The following EPS8 variants were observed in gnomAD, a reference collection of about 807,000 sequenced individuals.
EPS8 encodes EGFR pathway substrate 8, signaling adaptor.
EPS8 carries 42 observed loss-of-function variants against 103.8 expected under a neutral mutation model. The observed-to-expected ratio is 0.40, with a 90% confidence interval of 0.32 to 0.52. The LOEUF is 0.52. Among genes scored for constraint, EPS8 ranks in the 20% least tolerant of loss-of-function variants. The pLI is 0.40. For missense variants in EPS8, 969 were observed against 1,005.1 expected (o/e 0.96, Z 0.49); for synonymous variants, 344 against 344.6 (o/e 1.00, Z 0.02).
At chr12:15,674,950 A>T (rs1213143491) in intron 3 of EPS8, among the ~76,000 whole-genome samples, 2 of 152,262 alleles carry the variant, frequency 1.3e-5, no homozygotes, top group Admixed American at 1.3e-4. Context: ...TACTACTTGA[A>T]TGTGTAAAAA....
chr12:15,719,038 A>C (rs1946564281), intron 1 of EPS8, among the ~76,000 whole-genome samples: 1 of 152,118 alleles, frequency 6.6e-6, no homozygotes, highest in South Asian at 2.1e-4. Flanking sequence ...GCGAGGAAGG[A>C]AGGAAGAGAA....
Position 15,757,631 on chromosome 12 carries a change from GA to G in EPS8, c.-22+31529del, listed in dbSNP as rs1027695409. ...GCAACAGAGCGAGACTCCGTCTGAA[GA>G]AAAAAAAAAGAAAAAGAAAAAGAAA... On this transcript the variant is annotated intron_variant, in intron 1 of 20. Transcript: ENST00000281172. This position sits in a 1 kb window ranked among gnomAD's most constrained non-coding sequence, Gnocchi z 4.1. 3.5e-5 allele frequency among the ~76,000 whole-genome samples: 5 copies of G among 144,318 alleles called. No homozygotes were observed. The highest frequency in any genetic ancestry group is 2.0e-4 in the East Asian group (1 of 4,968). The allele number at this position is 144,318 out of a possible 152,430, so 94.7% of individuals were successfully genotyped here. A position where few individuals can be genotyped will look rare whatever the true frequency, so the allele number is the denominator to read the frequency against.
intron 17 of EPS8, among the ~76,000 whole-genome samples, chr12:15,633,467 A>G (rs992880166): frequency 2.6e-5 from 4 of 152,194 alleles, no homozygotes; most frequent in Admixed American, 2.6e-4. Context: ...CCTGCTTTCC[A>G]TATGATTCAT....
chr12:15,663,627 A>T (rs1945645888), intron 8 of EPS8, among the ~76,000 whole-genome samples: 1 of 151,982 alleles, frequency 6.6e-6, no homozygotes, highest in Non-Finnish European at 1.5e-5. Flanking sequence ...TCTTTGTTAT[A>T]AATTATATTA....
intron 1 of EPS8, among the ~76,000 whole-genome samples, chr12:15,741,699 T>C (rs570372404): frequency 2.2e-4 from 33 of 152,130 alleles, no homozygotes; most frequent in Non-Finnish European, 4.0e-4. Context: ...CTTTGCAACA[T>C]CACATCCAGA....
intron 16 of EPS8, among the ~76,000 whole-genome samples, 161 bp downstream of exon 16, chr12:15,641,561 G>C (rs1945230404): frequency 6.6e-6 from 1 of 151,890 alleles, no homozygotes; most frequent in Non-Finnish European, 1.5e-5. Flanking sequence ...TATCCCCTTA[G>C]AAGGAGTATC....
chr12:15,634,843 C>A, intron 17 of EPS8: 2 of 397,714 alleles, frequency 5.0e-6, no homozygotes, highest in South Asian at 2.6e-4. Context: ...AATTATAATT[C>A]ACATCAAATA....
intron 3 of EPS8, among the ~76,000 whole-genome samples, chr12:15,674,507 C>G (rs1014877250): frequency 6.6e-6 from 1 of 152,176 alleles, no homozygotes; most frequent in African/African-American, 2.4e-5. Context: ...GTGATAATTA[C>G]AAGCTCTCAA....
At chr12:15,683,068 G>T in intron 1 of EPS8, 96 bp from the exon 2 acceptor site, 1 of 590,682 alleles carries the variant, frequency 1.7e-6, no homozygotes, top group East Asian at 3.1e-5. Flanking sequence ...GTTGCTGCCA[G>T]GAATTATAGT....
At position 15,670,885 on chromosome 12, in the gene EPS8, C is replaced by T. The variant is rs749427533; in HGVS notation, c.175G>A (p.Val59Met). The T allele has an allele frequency of 3.1e-6, 5 of 1,612,422 alleles. No homozygotes were observed. Among genetic ancestry groups the T allele is most frequent in the Middle Eastern group, 1.7e-4 (1 of 6,058 alleles). The change falls in exon 4 of 21, where the codon GTG becomes ATG. Residue 59 changes from valine to methionine, a missense_variant. By Grantham distance (21) the Val-to-Met change is conservative. Transcript: ENST00000281172. Reference sequence around the variant, plus strand: ...ACACGGTATTGAGATATATCTGACACACTGCTGACACTGTCCCGTGCATAA... The same window carrying T: ...ACACGGTATTGAGATATATCTGACATACTGCTGACACTGTCCCGTGCATAA... ...KNYARDSVSS[V>M]SDISQYRVEH... is the part of the protein sequence containing the mutation.
chr12:15,694,229 C>T (rs1946213237), intron 1 of EPS8, among the ~76,000 whole-genome samples: 1 of 151,610 alleles, frequency 6.6e-6, no homozygotes, highest in South Asian at 2.1e-4. Flanking sequence ...AATATGAGTA[C>T]AAGTTTATAC....
At chr12:15,743,896 C>A (rs1387806426) in intron 1 of EPS8, among the ~76,000 whole-genome samples, 1 of 152,116 alleles carries the variant, frequency 6.6e-6, no homozygotes, top group Non-Finnish European at 1.5e-5. Context: ...GCAACAAAAG[C>A]CAAAATTGAC....
intron 1 of EPS8, among the ~76,000 whole-genome samples, chr12:15,703,760 G>A (rs965063720): frequency 1.3e-5 from 2 of 149,328 alleles, no homozygotes; most frequent in Non-Finnish European, 3.0e-5. Context: ...ACACTTTCAG[G>A]AAGCAAAGTT....
At chr12:15,668,259 T>C (rs1945751830) in intron 6 of EPS8, among the ~76,000 whole-genome samples, 1 of 152,166 alleles carries the variant, frequency 6.6e-6, no homozygotes, top group South Asian at 2.1e-4. Context: ...ATGACGTAAA[T>C]TGAAATTAGA....
In EPS8 at chr12:15,651,007, C is replaced by A; in HGVS notation, c.1251-1G>T. On this transcript the variant is annotated splice_acceptor_variant, in intron 13 of 20. Transcript: ENST00000281172. LOFTEE classifies it high-confidence loss of function. Reference sequence around the variant, plus strand: ...AAACTGTTCTTTTGGCCACTCTGCTCTGCAGGAGGGAATGAAGGCATATAA... The same window carrying A: ...AAACTGTTCTTTTGGCCACTCTGCTATGCAGGAGGGAATGAAGGCATATAA... 1 of 1,611,426 alleles carries A rather than the reference C, an allele frequency of 6.2e-7. No individual in the cohort carries two copies. Among genetic ancestry groups the A allele is most frequent in the South Asian group, 1.1e-5 (1 of 90,386 alleles).
chr12:15,699,669 C>T (rs1391798321), intron 1 of EPS8, among the ~76,000 whole-genome samples: 1 of 152,162 alleles, frequency 6.6e-6, no homozygotes, highest in African/African-American at 2.4e-5. Flanking sequence ...ATAATTTTGG[C>T]TTACATAATT....
rs1946491306 is a variant in EPS8, at chr12:15,713,267, G to A, written c.-21-30295C>T. On this transcript the variant is annotated intron_variant, in intron 1 of 20. Transcript: ENST00000281172. This position sits in a 1 kb window ranked among gnomAD's most constrained non-coding sequence, Gnocchi z 4.8. ...AACGGTAGTTAATAAGTAACTTACG[G>A]GAATTCCAGGTACAGAAATATGGCC... 6.6e-6 allele frequency: 1 copy of A among 152,222 alleles called. No individual in the cohort carries two copies. The highest frequency in any genetic ancestry group is 2.4e-5 in the African/African-American group (1 of 41,406). The allele number at this position is 152,222 out of a possible 1,614,324, so 9.4% of individuals were successfully genotyped here. A position where few individuals can be genotyped will look rare whatever the true frequency, so the allele number is the denominator to read the frequency against.
At chr12:15,624,149 T>G (rs1020077492) in intron 19 of EPS8, 78 bp downstream of exon 19, 123 of 1,144,684 alleles carry the variant, frequency 1.1e-4, no homozygotes, top group Middle Eastern at 8.5e-4. Flanking sequence ...AACAGTTATC[T>G]GTGACATCTA....
intron 18 of EPS8, among the ~76,000 whole-genome samples, chr12:15,629,985 C>T (rs775582101): frequency 6.6e-6 from 1 of 152,100 alleles, no homozygotes; most frequent in Non-Finnish European, 1.5e-5. Flanking sequence ...TAGTTCCATA[C>T]TGGTATCTGG....
Sources: allele counts gnomAD v4.1 joint callset (sites outside exome capture counted in the v4.1 genomes callset), GRCh38; gene constraint gnomAD v4.1.1; non-coding constraint Gnocchi (gnomAD v3.1); transcripts MANE v1.5; gene names NCBI Gene and HGNC (gene_info 2026-07-23, HGNC 2026-07-21).